The following TBC1D9 variants were observed in gnomAD, a reference collection of about 807,000 sequenced individuals.
The protein encoded by TBC1D9 is TBC1 domain family member 9A.
A neutral mutation model predicts 132.0 loss-of-function variants in TBC1D9; 63 were observed. That is an observed-to-expected ratio of 0.48 (90% CI 0.39 to 0.59). The LOEUF is 0.59. TBC1D9 is among the 20% of genes least tolerant of loss of function. The pLI is 0.00. For missense variants in TBC1D9, 1,261 were observed against 1,592.7 expected (o/e 0.79, Z 3.54); for synonymous variants, 610 against 609.9 (o/e 1.00, Z 0.00).
intron 6 of TBC1D9, among the ~76,000 whole-genome samples, chr4:140,676,285 C>G (rs996870607): frequency 3.9e-5 from 6 of 152,226 alleles, no homozygotes; most frequent in Admixed American, 6.5e-5. Flanking sequence ...CTTTCAGGAT[C>G]TGTGCATAAA....
chr4:140,648,065 C>T (rs1040824502), intron 13 of TBC1D9, among the ~76,000 whole-genome samples: 11 of 152,164 alleles, frequency 7.2e-5, no homozygotes, highest in Admixed American at 2.0e-4. Context: ...GGATATAATA[C>T]CTTCTCTCAG....
chr4:140,643,366 GC>G, intron 13 of TBC1D9: 1 of 1,297,530 alleles, frequency 7.7e-7, no homozygotes, highest in Non-Finnish European at 1.1e-6. Context: ...CCTGGGGAGG[GC>G]AGAGGCCTGG....
At chr4:140,740,869 G>C (rs184881517) in intron 1 of TBC1D9, among the ~76,000 whole-genome samples, 203 of 152,312 alleles carry the variant, frequency 1.3e-3, no homozygotes, top group Non-Finnish European at 2.1e-3. Context: ...TGGATTTCCT[G>C]AGTGGATCTC....
rs146370868 is a variant in TBC1D9 at position 140,667,844 on chromosome 4, C to T, written c.1588+1073G>A. Reference sequence around the variant, plus strand: ...AAACCAATTATTTTTCAGGATTATACGTCCCTATTTCTGAGACATTTATAC... The same window carrying T: ...AAACCAATTATTTTTCAGGATTATATGTCCCTATTTCTGAGACATTTATAC... On this transcript the variant is annotated intron_variant, in intron 9 of 20. Transcript: ENST00000442267. Among the ~76,000 whole-genome samples, 34 of 152,292 alleles carry T rather than the reference C, an allele frequency of 2.2e-4. No individual in the cohort carries two copies. In the East Asian group the frequency reaches 6.2e-3, roughly 28 times the overall value.
intron 13 of TBC1D9, among the ~76,000 whole-genome samples, chr4:140,641,089 G>GAAAA (rs1560869533): frequency 6.6e-5 from 1 of 15,148 alleles, no homozygotes. Flanking sequence ...ATAATACTAA[G>GAAAA]CAAAAAAAAA....
intron 13 of TBC1D9, among the ~76,000 whole-genome samples, chr4:140,647,611 T>C (rs1000684520): frequency 1.3e-5 from 2 of 152,224 alleles, no homozygotes; most frequent in African/African-American, 4.8e-5. Flanking sequence ...GGCTTTGTAA[T>C]CTTTTGCAGG....
chr4:140,700,220 G>A (rs576120961), intron 2 of TBC1D9, among the ~76,000 whole-genome samples: 1 of 151,754 alleles, frequency 6.6e-6, no homozygotes, highest in African/African-American at 2.4e-5. Context: ...GAGGTTGAGG[G>A]GGGCGGATCA....
At chr4:140,654,677 T>A (rs1027159443) in intron 13 of TBC1D9, among the ~76,000 whole-genome samples, 2 of 152,218 alleles carry the variant, frequency 1.3e-5, no homozygotes, top group Non-Finnish European at 2.9e-5. Context: ...ATGACTTTTT[T>A]AAATGCATAT....
At chr4:140,753,945 C>T (rs890961274) in intron 1 of TBC1D9, among the ~76,000 whole-genome samples, 4 of 152,330 alleles carry the variant, frequency 2.6e-5, no homozygotes, top group Middle Eastern at 3.4e-3. Context: ...ACCTCTCTTG[C>T]TTGAAAATAG....
chr4:140,648,381 TG>T (rs1737134943), intron 13 of TBC1D9, among the ~76,000 whole-genome samples: 1 of 149,842 alleles, frequency 6.7e-6, no homozygotes, highest in African/African-American at 2.5e-5. Context: ...GCAGTTTTGT[TG>T]TTGTTTTTTT....
At chr4:140,669,879 G>C in intron 7 of TBC1D9, 75 bp from the exon 8 acceptor site, 1 of 1,383,952 alleles carries the variant, frequency 7.2e-7, no homozygotes, top group Non-Finnish European at 9.9e-7. Context: ...TCTTCTGTAT[G>C]GTTATCAAAA....
At chr4:140,689,027 T>G (rs1039172942) in intron 2 of TBC1D9, among the ~76,000 whole-genome samples, 1 of 152,058 alleles carries the variant, frequency 6.6e-6, no homozygotes, top group African/African-American at 2.4e-5. Context: ...GATTGTTCCA[T>G]CTGTGCTTGT....
chr4:140,712,934 G>T (rs1278402515), intron 1 of TBC1D9, among the ~76,000 whole-genome samples: 1 of 152,016 alleles, frequency 6.6e-6, no homozygotes, highest in African/African-American at 2.4e-5. Flanking sequence ...TCTGCAACCG[G>T]TTACAGGGAG....
intron 1 of TBC1D9, among the ~76,000 whole-genome samples, chr4:140,711,149 G>T (rs2111048213): frequency 6.6e-6 from 1 of 152,314 alleles, no homozygotes; most frequent in Non-Finnish European, 1.5e-5. Context: ...CCCTCAAAAG[G>T]CGGGGGCTTA....
intron 2 of TBC1D9, among the ~76,000 whole-genome samples, chr4:140,695,711 T>C (rs577422213): frequency 6.0e-4 from 92 of 152,322 alleles, no homozygotes; most frequent in African/African-American, 1.9e-3. Flanking sequence ...GCCAAATGGC[T>C]TTCTACCTGT....
At chr4:140,665,109 G>GAA (rs373062026) in intron 9 of TBC1D9, among the ~76,000 whole-genome samples, 29 of 60,104 alleles carry the variant, frequency 4.8e-4, no homozygotes, top group Non-Finnish European at 5.7e-4. Flanking sequence ...TCAGTCTCCA[G>GAA]AAAAAAAAAA....
chr4:140,727,697 G>A (rs1246015942), intron 1 of TBC1D9, among the ~76,000 whole-genome samples: 1 of 151,988 alleles, frequency 6.6e-6, no homozygotes, highest in Admixed American at 6.6e-5. Context: ...AATTTGTCAT[G>A]TATTTCTGCA....
intron 13 of TBC1D9, among the ~76,000 whole-genome samples, chr4:140,641,105 C>CAAAAAAAAAAAAAAAAAAAA (rs1038335139): frequency 3.3e-5 from 2 of 59,796 alleles, no homozygotes; most frequent in African/African-American, 6.1e-5. Context: ...AAAAAAAAAA[C>CAAAAAAAAAAAAAAAAAAAA]AAAAAAAAAC....
In TBC1D9 at chr4:140,668,971, C is replaced by G; in HGVS notation, c.1534G>C (p.Val512Leu). The change falls in exon 9 of 21, where the codon GTG becomes CTG. Residue 512 changes from valine to leucine, a missense_variant. Around this residue, in one of 3 missense-constraint regions of TBC1D9, gnomAD observed 550 missense variants for 699.0 expected, o/e 0.79. Coordinates refer to ENST00000442267, the MANE Select transcript of TBC1D9 (RefSeq NM_015130.3). ...ATGCTCTCCGGGATGCCCTTCAACA[C>G]CAGCTCCCGCGTTTTCTCTGTGCGG... The part of the protein sequence containing the change: ...MYRTEKTREL[V>L]LKGIPESMRG... 1.2e-6 allele frequency: 2 copies of G among 1,614,000 alleles called. No individual in the cohort carries two copies. Among genetic ancestry groups the G allele is most frequent in the Non-Finnish European group, 1.7e-6 (2 of 1,179,894 alleles).
Sources: allele counts gnomAD v4.1 joint callset (sites outside exome capture counted in the v4.1 genomes callset), GRCh38; gene constraint gnomAD v4.1.1; regional missense constraint gnomAD v4.1.1; transcripts MANE v1.5; gene names NCBI Gene and HGNC (gene_info 2026-07-23, HGNC 2026-07-21).